Variants in EXOC6B observed in about 807,000 individuals in gnomAD.
The protein encoded by EXOC6B is exocyst complex component 6B, also known as SEC15 homolog B.
In EXOC6B, 54 loss-of-function variants were observed where a neutral mutation model predicts 113.5. The observed-to-expected ratio is 0.48, with a 90% CI of 0.38 to 0.60. The LOEUF is 0.60. Ranked by LOEUF, EXOC6B falls within the 20% of genes least tolerant of loss-of-function variation. EXOC6B has a pLI of 0.00. For missense variants in EXOC6B, 797 were observed against 977.5 expected, an observed-to-expected ratio of 0.82 and a Z score of 2.46; for synonymous variants, 357 against 339.0, an observed-to-expected ratio of 1.05 and a Z score of -0.58.
intron 9 of EXOC6B, 45 bp downstream of exon 9, chr2:72,514,998 G>A (rs1701142512): frequency 6.7e-7 from 1 of 1,500,822 alleles, no homozygotes; most frequent in East Asian, 2.4e-5. Context: ...AAGACATCAA[G>A]GAGGAAAAGT....
chr2:72,453,086 A>G (rs1231844965), intron 18 of EXOC6B, among the ~76,000 whole-genome samples: 2 of 152,236 alleles, frequency 1.3e-5, no homozygotes, highest in Admixed American at 6.5e-5. Flanking sequence ...TAGCAAAAAG[A>G]GTATATGCTT....
chr2:72,718,064 T>C (rs1474432150), intron 6 of EXOC6B, 39 bp downstream of exon 6: 11 of 1,510,150 alleles, frequency 7.3e-6, no homozygotes, highest in Non-Finnish European at 9.9e-6. Context: ...TCAATACTGA[T>C]AAAGCCACTG....
At chr2:72,680,741 AAAAAAAAAG>A (rs1430867026) in intron 6 of EXOC6B, among the ~76,000 whole-genome samples, 1 of 151,922 alleles carries the variant, frequency 6.6e-6, no homozygotes, top group East Asian at 1.9e-4. Context: ...TCCATCTCAA[AAAAAAAAAG>A]AAAAAAAAGG....
chr2:72,329,072 C>T (rs1239473230), intron 20 of EXOC6B, among the ~76,000 whole-genome samples: 6 of 152,052 alleles, frequency 3.9e-5, no homozygotes, highest in East Asian at 1.9e-4. Context: ...ATTACTGGTC[C>T]GTACACTTCC....
chr2:72,350,495 G>T (rs1192902246), intron 19 of EXOC6B, among the ~76,000 whole-genome samples: 1 of 152,150 alleles, frequency 6.6e-6, no homozygotes, highest in African/African-American at 2.4e-5. Flanking sequence ...TCAAGAGCTA[G>T]ACTTAGGATC....
chr2:72,276,912 T>G (rs1340655510), intron 20 of EXOC6B, among the ~76,000 whole-genome samples: 1 of 152,218 alleles, frequency 6.6e-6, no homozygotes, highest in Non-Finnish European at 1.5e-5. Flanking sequence ...GGTCTGCATG[T>G]GCTTTCTTAC....
intron 19 of EXOC6B, among the ~76,000 whole-genome samples, chr2:72,365,580 C>G (rs1690572634): frequency 6.6e-6 from 1 of 152,054 alleles, no homozygotes; most frequent in African/African-American, 2.4e-5. Context: ...GACTAGAGCC[C>G]AGGAGTTCAA....
intron 6 of EXOC6B, among the ~76,000 whole-genome samples, chr2:72,659,514 A>G (rs1344048928): frequency 6.6e-6 from 1 of 152,104 alleles, no homozygotes; most frequent in African/African-American, 2.4e-5. Flanking sequence ...AAGTCTATAT[A>G]AGGAATCTGT....
At chr2:72,203,125 T>G (rs1270203626) in intron 20 of EXOC6B, among the ~76,000 whole-genome samples, 3 of 152,220 alleles carry the variant, frequency 2.0e-5, no homozygotes, top group Non-Finnish European at 1.5e-5. Flanking sequence ...ATAATGACAA[T>G]GAAGATGGCA....
intron 20 of EXOC6B, among the ~76,000 whole-genome samples, chr2:72,224,599 G>A (rs570052833): frequency 6.6e-6 from 1 of 152,162 alleles, no homozygotes; most frequent in African/African-American, 2.4e-5. Flanking sequence ...ATAAATATAT[G>A]TGTAGTTTCA....
chr2:72,402,669 G>A (rs1030621164), intron 18 of EXOC6B, among the ~76,000 whole-genome samples: 6 of 152,166 alleles, frequency 3.9e-5, no homozygotes, highest in Non-Finnish European at 5.9e-5. Flanking sequence ...TTGCTACTTC[G>A]AATAGGCCAT....
At chr2:72,221,362 A>C (rs1680854017) in intron 20 of EXOC6B, among the ~76,000 whole-genome samples, 1 of 152,160 alleles carries the variant, frequency 6.6e-6, no homozygotes, top group Admixed American at 6.6e-5. Flanking sequence ...TGGCTCTCCC[A>C]CTGCCTGCAA....
At chr2:72,603,762 T>C (rs1209403571) in intron 6 of EXOC6B, among the ~76,000 whole-genome samples, 1 of 152,060 alleles carries the variant, frequency 6.6e-6, no homozygotes, top group East Asian at 1.9e-4. Flanking sequence ...GCTGACTACT[T>C]CTCCCTAGGA....
intron 20 of EXOC6B, among the ~76,000 whole-genome samples, chr2:72,294,868 T>C (rs1037620347): frequency 1.3e-5 from 2 of 152,196 alleles, no homozygotes; most frequent in African/African-American, 4.8e-5. Flanking sequence ...CTTTGTTCCT[T>C]ATTTTTAAGT....
intron 6 of EXOC6B, among the ~76,000 whole-genome samples, chr2:72,708,024 T>C (rs981614115): frequency 9.2e-5 from 14 of 152,072 alleles, no homozygotes; most frequent in Non-Finnish European, 2.1e-4. Flanking sequence ...AATGGATCAA[T>C]ACACTTGACT....
chr2:72,494,663 C>T (rs1699937443), intron 15 of EXOC6B, among the ~76,000 whole-genome samples: 1 of 151,980 alleles, frequency 6.6e-6, no homozygotes, highest in Admixed American at 6.6e-5. Context: ...ATGTTTCCAC[C>T]CTACAAAAGG....
At chr2:72,726,270 T>C (rs1475688129) in intron 5 of EXOC6B, among the ~76,000 whole-genome samples, 1 of 152,208 alleles carries the variant, frequency 6.6e-6, no homozygotes, top group African/African-American at 2.4e-5. Flanking sequence ...GAAAATGTCC[T>C]AGAATCAGCT....
chr2:72,521,458 G>A lies in EXOC6B; in HGVS notation c.916-6332C>T, dbSNP rs190974150. On this transcript the variant is annotated intron_variant, in intron 8 of 21. Transcript: ENST00000272427. ...TTTCAAGCTAGAAGGCATACAGTGG[G>A]AAAGGTAAAAAATATCTTCTGACTT... is the stretch of plus-strand genomic sequence containing the variant. 7.6e-3 allele frequency among the ~76,000 whole-genome samples: 1,152 copies of A among 152,186 alleles called. 5 individuals carry two copies. The highest frequency in any genetic ancestry group is 0.014 in the Admixed American group (212 of 15,282).
chr2:72,520,957 A>C (rs1382963535), intron 8 of EXOC6B, among the ~76,000 whole-genome samples: 1 of 152,130 alleles, frequency 6.6e-6, no homozygotes, highest in African/African-American at 2.4e-5. Context: ...CCATACTCTG[A>C]GAGCTTAAAA....
Sources: gnomAD v4.1 joint callset for allele counts (sites outside exome capture counted in the v4.1 genomes callset) on GRCh38, gnomAD v4.1.1 for gene constraint, MANE v1.5 for transcripts, NCBI Gene and HGNC (gene_info 2026-07-23, HGNC 2026-07-21) for gene names.